The following MEF2C variants were observed in gnomAD, a reference collection of about 807,000 sequenced individuals.
The protein encoded by MEF2C is myocyte-specific enhancer factor 2C.
In MEF2C, 6 loss-of-function variants were observed where a neutral mutation model predicts 50.5. That is an observed-to-expected ratio of 0.12 (90% CI 0.07 to 0.23). The LOEUF is 0.23. Ranked by LOEUF, MEF2C falls within the 10% of genes least tolerant of loss-of-function variation. The probability of loss-of-function intolerance (pLI) is 1.00; values close to 1 mark genes in which losing one functional copy is unlikely to be tolerated. For missense variants in MEF2C, 276 were observed against 605.0 expected (o/e 0.46, Z 5.70); for synonymous variants, 183 against 228.0 (o/e 0.80, Z 1.78).
At chr5:88,874,069 A>G (rs1830373734) in intron 1 of MEF2C, among the ~76,000 whole-genome samples, 1 of 151,980 alleles carries the variant, frequency 6.6e-6, no homozygotes, top group Non-Finnish European at 1.5e-5. Flanking sequence ...TCAAATATGG[A>G]TGAAAATCCG....
chr5:88,769,952 A>G lies in MEF2C; in HGVS notation c.259-8624T>C, dbSNP rs530909585. On this transcript the variant is annotated intron_variant, in intron 3 of 10. Coordinates refer to ENST00000504921, the MANE Select transcript of MEF2C (RefSeq NM_002397.5). The stretch of plus-strand genomic sequence containing the variant: ...TGGGCCACTGTGTCCAGCCTATCCT[A>G]ATAATCTTTATAATGCAAGTTAAGA... 3 of 984,950 alleles carry G rather than the reference A, an allele frequency of 3.0e-6. No individual in the cohort carries two copies. The East Asian group carries it at 3.4e-4, about 112-fold the overall frequency. 61.0% of individuals were successfully genotyped at this position (984,950 alleles called of 1,614,324 possible).
chr5:88,734,860 G>A, intron 6 of MEF2C: 1 of 974,878 alleles, frequency 1.0e-6, no homozygotes, highest in South Asian at 4.7e-5. Context: ...ATACTGAAAT[G>A]TAAAATATTT....
In MEF2C at chr5:88,746,998, A is replaced by G. The variant is rs914397516; in HGVS notation, c.637+2072T>C. Reference sequence around the variant, plus strand: ...AGTATCTTTCTTTTGGTTTTCTTCTATTTCTGAATTAGAAGATTCTCATAC... The same window carrying G: ...AGTATCTTTCTTTTGGTTTTCTTCTGTTTCTGAATTAGAAGATTCTCATAC... On this transcript the variant is annotated intron_variant, in intron 6 of 10. Coordinates refer to ENST00000504921, the MANE Select transcript of MEF2C (RefSeq NM_002397.5). Among the ~76,000 whole-genome samples the G allele has an allele frequency of 4.7e-4, 72 of 152,306 alleles. 1 individual carries two copies. Among genetic ancestry groups the G allele is most frequent in the African/African-American group, 1.7e-3 (71 of 41,562 alleles).
chr5:88,807,379 A>G (rs1027453838), intron 2 of MEF2C, among the ~76,000 whole-genome samples: 5 of 151,940 alleles, frequency 3.3e-5, no homozygotes, highest in Admixed American at 1.3e-4. Context: ...GTGCACCAAC[A>G]TGTTCTGGCT....
intron 6 of MEF2C, chr5:88,740,942 A>C: frequency 3.0e-6 from 3 of 985,380 alleles, no homozygotes; most frequent in Non-Finnish European, 3.6e-6. Flanking sequence ...ATATTGAGAC[A>C]GTATAAATTA....
At chr5:88,792,456 G>A (rs1391394803) in intron 3 of MEF2C, among the ~76,000 whole-genome samples, 1 of 152,086 alleles carries the variant, frequency 6.6e-6, no homozygotes, top group African/African-American at 2.4e-5. Context: ...AAAATCACAA[G>A]GTACACAGTT....
chr5:88,844,702 C>T (rs984651523), intron 1 of MEF2C: 3 of 430,944 alleles, frequency 7.0e-6, no homozygotes, highest in African/African-American at 6.5e-5. Flanking sequence ...CCAAAAACAA[C>T]TCTTTTCCTC....
At chr5:88,754,207 C>T (rs982827999) in intron 4 of MEF2C, among the ~76,000 whole-genome samples, 144 of 152,278 alleles carry the variant, frequency 9.5e-4, no homozygotes, top group African/African-American at 3.2e-3. Flanking sequence ...TTTATAGTGG[C>T]ATCATCCTTG....
intron 1 of MEF2C, among the ~76,000 whole-genome samples, chr5:88,844,162 C>T (rs1490823554): frequency 6.6e-6 from 1 of 152,086 alleles, no homozygotes; most frequent in Non-Finnish European, 1.5e-5. Flanking sequence ...TGAGCATGCC[C>T]CAGGCATGTT....
chr5:88,737,975 A>C (rs1764818855), intron 6 of MEF2C: 1 of 985,280 alleles, frequency 1.0e-6, no homozygotes, highest in African/African-American at 1.7e-5. Context: ...AGGGGGTTGG[A>C]CTGCTGTTAG....
At chr5:88,815,903 T>A (rs1186625698) in intron 2 of MEF2C, among the ~76,000 whole-genome samples, 1 of 152,024 alleles carries the variant, frequency 6.6e-6, no homozygotes, top group Non-Finnish European at 1.5e-5. Context: ...GTCACACAGT[T>A]TGTGCATTTG....
intron 1 of MEF2C, among the ~76,000 whole-genome samples, chr5:88,875,920 A>C (rs1830911314): frequency 6.6e-6 from 1 of 152,086 alleles, no homozygotes; most frequent in Middle Eastern, 3.4e-3. Flanking sequence ...CCTGCCCTGC[A>C]TATTCAGGAA....
At chr5:88,880,365 TTC>T (rs1478396433) in intron 1 of MEF2C, among the ~76,000 whole-genome samples, 2 of 152,152 alleles carry the variant, frequency 1.3e-5, no homozygotes, top group Non-Finnish European at 2.9e-5. Flanking sequence ...AAAGCCAGAA[TTC>T]TGTTTAATAA....
At chr5:88,781,794 G>A (rs1330896455) in intron 3 of MEF2C, among the ~76,000 whole-genome samples, 2 of 152,238 alleles carry the variant, frequency 1.3e-5, no homozygotes, top group East Asian at 3.9e-4. Flanking sequence ...CCAACATGGT[G>A]AAACCCCGTA....
At chr5:88,893,554 C>G (rs2150255168) in intron 1 of MEF2C, among the ~76,000 whole-genome samples, 1 of 151,860 alleles carries the variant, frequency 6.6e-6, no homozygotes, top group South Asian at 2.1e-4. Flanking sequence ...TGACTATGTT[C>G]TACTTATCTG....
Position 88,729,102 on chromosome 5 carries a change from T to C in MEF2C, c.964+116A>G, listed in dbSNP as rs995641695. 1.5e-5 allele frequency: 17 copies of C among 1,141,386 alleles called. No homozygotes were observed. In the African/African-American group the frequency reaches 2.6e-4, roughly 18 times the overall value. The allele number at this position is 1,141,386 out of a possible 1,614,324, so 70.7% of individuals were successfully genotyped here. Reference sequence around the variant, plus strand: ...TGAAGAATGGGTAATGCTGCAGTGCTGTGGACGGCGCAGGCCCTAAATAAA... The same window carrying C: ...TGAAGAATGGGTAATGCTGCAGTGCCGTGGACGGCGCAGGCCCTAAATAAA... On this transcript the variant is annotated intron_variant, in intron 9 of 10. Transcript: ENST00000504921.
At chr5:88,798,472 G>A (rs1796942684) in intron 3 of MEF2C, among the ~76,000 whole-genome samples, 1 of 151,872 alleles carries the variant, frequency 6.6e-6, no homozygotes, top group Non-Finnish European at 1.5e-5. Flanking sequence ...TTCTTGTGCT[G>A]TGTTTTTCAG....
Position 88,731,810 on chromosome 5 carries a change from T to G in MEF2C, c.729A>C (p.Pro243=). The G allele has an allele frequency of 6.2e-7, 1 of 1,613,350 alleles. No individual in the cohort carries two copies. The highest frequency in any genetic ancestry group is 8.5e-7 in the Non-Finnish European group (1 of 1,179,512). ...TACGGTTATTCATTCCTAAATTCAT[T>G]GGGGGAGGAGATTTTGCTTGCATAT... ...NKNMQAKSPP[P]MNLGMNNRKP... The change falls in exon 7 of 11, where the codon CCA becomes CCC. Residue 243 remains proline, a synonymous_variant. Coordinates refer to ENST00000504921, the MANE Select transcript of MEF2C (RefSeq NM_002397.5).
intron 1 of MEF2C, among the ~76,000 whole-genome samples, chr5:88,902,457 T>C (rs1835768334): frequency 6.6e-6 from 1 of 151,710 alleles, no homozygotes; most frequent in Admixed American, 6.6e-5. Flanking sequence ...ACGTTATGTT[T>C]TTAAAATATT....
Sources: allele counts gnomAD v4.1 joint callset (sites outside exome capture counted in the v4.1 genomes callset), GRCh38; gene constraint gnomAD v4.1.1; transcripts MANE v1.5; gene names NCBI Gene and HGNC (gene_info 2026-07-23, HGNC 2026-07-21).